TMEM266: variants seen among roughly 807,000 people sequenced by gnomAD.
TMEM266 encodes the protein transmembrane protein 266.
In TMEM266, 33 loss-of-function variants were observed where a neutral mutation model predicts 50.5. The ratio of observed to expected loss-of-function variants is 0.65; its 90% CI spans 0.50 to 0.87. The LOEUF is 0.87. TMEM266 is among the 40% of genes least tolerant of loss of function. TMEM266 has a pLI of 0.00. For missense variants in TMEM266, 655 were observed against 695.1 expected (o/e 0.94, Z 0.65); for synonymous variants, 310 against 292.3 (o/e 1.06, Z -0.62).
At chr15:76,196,834 T>C (rs1444175629) in intron 9 of TMEM266, among the ~76,000 whole-genome samples, 1 of 151,792 alleles carries the variant, frequency 6.6e-6, no homozygotes, top group South Asian at 2.1e-4. Flanking sequence ...TTAGACTTGC[T>C]GTAGCACAAA....
In TMEM266 at chr15:76,168,227, A is replaced by G. The variant is rs2038128359; in HGVS notation, c.457-1589A>G. On this transcript the variant is annotated intron_variant, in intron 5 of 10. Coordinates refer to ENST00000388942, the MANE Select transcript of TMEM266 (RefSeq NM_152335.3). The surrounding 1 kb of genome is among the most constrained non-coding windows in gnomAD (Gnocchi z 4.4). ...ACCCACCCAGAGACCGGGAAGTTAT[A>G]GCGGAGCGGACTTCGGGCTGCCACA... 6.6e-6 allele frequency among the ~76,000 whole-genome samples: 1 copy of G among 152,206 alleles called. No individual in the cohort carries two copies. Among genetic ancestry groups the G allele is most frequent in the Admixed American group, 6.5e-5 (1 of 15,286 alleles).
intron 1 of TMEM266, among the ~76,000 whole-genome samples, chr15:76,079,416 AC>A (rs1421511169): frequency 2.0e-5 from 3 of 147,276 alleles, no homozygotes; most frequent in African/African-American, 7.6e-5. Flanking sequence ...TTATAAGGAC[AC>A]TTGTCATTGG....
In TMEM266 at chr15:76,169,891, C is replaced by G; in HGVS notation, c.513+19C>G. ...AATAGAGGTAAAGACCAATGTCCAC[C>G]CCCAAAGCCCCCACTCTGCCATCCT... On this transcript the variant is annotated intron_variant, in intron 6 of 10. Coordinates refer to ENST00000388942, the MANE Select transcript of TMEM266 (RefSeq NM_152335.3). 1 of 1,608,528 alleles carries G rather than the reference C, an allele frequency of 6.2e-7. No individual in the cohort carries two copies. The highest frequency in any genetic ancestry group is 8.5e-7 in the Non-Finnish European group (1 of 1,175,588).
At chr15:76,094,522 TGTA>T (rs1296930891) in intron 1 of TMEM266, among the ~76,000 whole-genome samples, 1 of 152,048 alleles carries the variant, frequency 6.6e-6, no homozygotes, top group Non-Finnish European at 1.5e-5. Flanking sequence ...ACTGTAGCCT[TGTA>T]GTATAGTTTG....
chr15:76,097,054 T>C (rs2036932428), intron 1 of TMEM266, among the ~76,000 whole-genome samples: 1 of 151,900 alleles, frequency 6.6e-6, no homozygotes, highest in Non-Finnish European at 1.5e-5. Context: ...AGATGGGTCT[T>C]GACTCTTTAT....
chr15:76,204,123 A>AGCGGGCTCGGCCCAAACCAGCCCC lies in TMEM266; in HGVS notation c.1406_1429dup (p.Ala469_Pro476dup). ...CAGCCCCCCTCGCCCGGCCCAGCCCAGCGGGCTCGGCCCAAACCAGCCCCG... is the reference window on the plus strand; with the variant it reads ...CAGCCCCCCTCGCCCGGCCCAGCCCAGCGGGCTCGGCCCAAACCAGCCCCGCGGGCTCGGCCCAAACCAGCCCCG... On this transcript the variant is annotated inframe_insertion, in exon 11 of 11. Transcript: ENST00000388942. The AGCGGGCTCGGCCCAAACCAGCCCC allele has an allele frequency of 1.2e-6, 2 of 1,613,062 alleles. No individual in the cohort carries two copies. Among genetic ancestry groups the AGCGGGCTCGGCCCAAACCAGCCCC allele is most frequent in the African/African-American group, 2.7e-5 (2 of 75,026 alleles).
At chr15:76,134,670 A>G (rs2037563584) in intron 2 of TMEM266, among the ~76,000 whole-genome samples, 1 of 152,216 alleles carries the variant, frequency 6.6e-6, no homozygotes, top group South Asian at 2.1e-4. Context: ...GTGTTTTGCA[A>G]CTGGTTGGTA....
chr15:76,061,695 T>G (rs1019620958), intron 1 of TMEM266, among the ~76,000 whole-genome samples: 3 of 152,238 alleles, frequency 2.0e-5, no homozygotes, highest in African/African-American at 7.2e-5. Flanking sequence ...GTGCTTCCAT[T>G]TAATTCTCAC....
At chr15:76,194,854 A>C (rs779560947) in intron 9 of TMEM266, among the ~76,000 whole-genome samples, 1 of 152,128 alleles carries the variant, frequency 6.6e-6, no homozygotes, top group Non-Finnish European at 1.5e-5. Context: ...CTTTCCAAGT[A>C]AGACCACATT....
chr15:76,081,725 C>T (rs947613220), intron 1 of TMEM266, among the ~76,000 whole-genome samples: 13 of 152,188 alleles, frequency 8.5e-5, no homozygotes, highest in Middle Eastern at 6.8e-3. Context: ...TGGTAGATGG[C>T]GAATGTATGA....
intron 1 of TMEM266, among the ~76,000 whole-genome samples, chr15:76,077,483 G>A (rs1172484197): frequency 6.6e-6 from 1 of 152,080 alleles, no homozygotes; most frequent in East Asian, 1.9e-4. Flanking sequence ...CAAATACCTG[G>A]AATCTGTGAA....
chr15:76,084,598 G>T (rs561351889), intron 1 of TMEM266, among the ~76,000 whole-genome samples: 1,905 of 87,690 alleles, frequency 0.022, 23 homozygotes, highest in South Asian at 0.057. Context: ...GTTTTTTTTG[G>T]TTTTTTTTTT....
intron 1 of TMEM266, among the ~76,000 whole-genome samples, chr15:76,130,492 A>T (rs2037493367): frequency 6.6e-6 from 1 of 152,218 alleles, no homozygotes; most frequent in Admixed American, 6.5e-5. Flanking sequence ...GTGAGCCAAG[A>T]TCGCGCCAGC....
chr15:76,201,782 T>G (rs945012476), intron 9 of TMEM266, among the ~76,000 whole-genome samples: 1 of 152,230 alleles, frequency 6.6e-6, no homozygotes, highest in Non-Finnish European at 1.5e-5. Context: ...TGGCTGGCTG[T>G]GTCCTGCAAA....
intron 1 of TMEM266, among the ~76,000 whole-genome samples, chr15:76,097,319 C>G (rs1319599702): frequency 2.0e-5 from 3 of 152,064 alleles, no homozygotes; most frequent in African/African-American, 7.2e-5. Context: ...GTGACAAAAT[C>G]TCTCAGCTTT....
intron 9 of TMEM266, 58 bp downstream of exon 9, chr15:76,192,215 C>G (rs1260471034): frequency 1.5e-6 from 2 of 1,370,020 alleles, no homozygotes; most frequent in African/African-American, 1.5e-5. Flanking sequence ...CCCCTCGCCT[C>G]CCTCTCGCGC....
intron 1 of TMEM266, among the ~76,000 whole-genome samples, chr15:76,095,723 G>A (rs2036912300): frequency 2.6e-5 from 4 of 151,932 alleles, no homozygotes; most frequent in Admixed American, 1.3e-4. Flanking sequence ...GGTAGAATTC[G>A]GCTGTGAATC....
At chr15:76,182,212 A>C (rs2038422551) in intron 8 of TMEM266, among the ~76,000 whole-genome samples, 1 of 152,134 alleles carries the variant, frequency 6.6e-6, no homozygotes, top group Non-Finnish European at 1.5e-5. Context: ...ACCAGTGACC[A>C]GTCATCTTCC....
chr15:76,116,356 G>A (rs541967583), intron 1 of TMEM266, among the ~76,000 whole-genome samples: 6 of 152,234 alleles, frequency 3.9e-5, no homozygotes, highest in South Asian at 2.1e-4. Context: ...ACGCAGCCTC[G>A]CAGTGGCTTT....
Sources: allele counts gnomAD v4.1 joint callset (sites outside exome capture counted in the v4.1 genomes callset), GRCh38; gene constraint gnomAD v4.1.1; non-coding constraint Gnocchi (gnomAD v3.1); transcripts MANE v1.5; gene names NCBI Gene and HGNC (gene_info 2026-07-23, HGNC 2026-07-21).